Variants in ZNF385B observed in about 807,000 individuals in gnomAD.
The protein encoded by ZNF385B is zinc finger protein 385B.
A neutral mutation model predicts 39.2 loss-of-function variants in ZNF385B; 23 were observed. The ratio of observed to expected loss-of-function variants is 0.59; its 90% confidence interval spans 0.42 to 0.83. The LOEUF is 0.83. ZNF385B is among the 40% of genes least tolerant of loss of function. ZNF385B has a pLI of 0.00. For synonymous variants in ZNF385B, 205 were observed against 222.6 expected (o/e 0.92, Z 0.70); for missense variants, 552 against 598.9 (o/e 0.92, Z 0.82).
intron 3 of ZNF385B, among the ~76,000 whole-genome samples, chr2:179,655,504 A>C (rs1336728412): frequency 7.3e-6 from 1 of 136,308 alleles, no homozygotes; most frequent in Admixed American, 7.4e-5. Context: ...AAAAAAAAAA[A>C]CCCTGAACAC....
Position 179,446,552 on chromosome 2 carries a change from G to A in ZNF385B, c.934C>T (p.Leu312=). Reference sequence around the variant, plus strand: ...GTGTTGTGTGCCTCTAGCTGTGACAGGGAGTTCACAGCCACTTTGCATAGT... The same window carrying A: ...GTGTTGTGTGCCTCTAGCTGTGACAAGGAGTTCACAGCCACTTTGCATAGT... The part of the protein sequence containing the change: ...CSLCKVAVNS[L]SQLEAHNTGS... Residue 312 remains leucine, a synonymous_variant, in exon 7 of 10, where the codon CTG becomes TTG. Transcript: ENST00000410066. 3.1e-6 allele frequency: 5 copies of A among 1,613,936 alleles called. No homozygotes were observed. The highest frequency in any genetic ancestry group is 3.4e-6 in the Non-Finnish European group (4 of 1,179,930).
intron 1 of ZNF385B, among the ~76,000 whole-genome samples, chr2:179,785,906 G>T (rs1413742967): frequency 6.6e-6 from 1 of 152,198 alleles, no homozygotes; most frequent in Admixed American, 6.6e-5. Flanking sequence ...AAGTTCTAAT[G>T]TGGATAAATT....
chr2:179,565,604 C>G (rs868273), intron 3 of ZNF385B, among the ~76,000 whole-genome samples: 58,935 of 152,086 alleles, frequency 0.39, 12,001 homozygotes, highest in Middle Eastern at 0.44. Context: ...CCTTACACTT[C>G]GTAGTTGCTC....
chr2:179,752,850 T>C (rs1702765714), intron 3 of ZNF385B, among the ~76,000 whole-genome samples: 1 of 151,992 alleles, frequency 6.6e-6, no homozygotes, highest in African/African-American at 2.4e-5. Flanking sequence ...GTCAGATGAG[T>C]AGATTGCAAA....
intron 3 of ZNF385B, among the ~76,000 whole-genome samples, chr2:179,601,511 T>C (rs1025386587): frequency 1.1e-4 from 17 of 152,180 alleles, no homozygotes; most frequent in Non-Finnish European, 1.9e-4. Context: ...TTTGCAGTTT[T>C]ATGTTGCTAG....
At chr2:179,796,969 G>A (rs188981648) in intron 1 of ZNF385B, among the ~76,000 whole-genome samples, 7 of 152,150 alleles carry the variant, frequency 4.6e-5, no homozygotes, top group East Asian at 1.9e-4. Flanking sequence ...GATAATACAT[G>A]TAAAGTGACT....
intron 3 of ZNF385B, among the ~76,000 whole-genome samples, chr2:179,617,495 G>T (rs1689850598): frequency 6.6e-6 from 1 of 152,218 alleles, no homozygotes; most frequent in Middle Eastern, 3.4e-3. Context: ...CTATTTTCTG[G>T]AGTACTTTTA....
intron 5 of ZNF385B, among the ~76,000 whole-genome samples, chr2:179,485,282 C>T (rs1400722390): frequency 6.6e-6 from 1 of 152,146 alleles, no homozygotes; most frequent in Non-Finnish European, 1.5e-5. Context: ...TATCAATCCT[C>T]CTTCTGCCCT....
chr2:179,828,746 C>G (rs1707815002), intron 1 of ZNF385B, among the ~76,000 whole-genome samples: 1 of 152,102 alleles, frequency 6.6e-6, no homozygotes, highest in African/African-American at 2.4e-5. Context: ...TCACTGACAA[C>G]TGTATTTCTG....
At chr2:179,722,420 A>G (rs1700752559) in intron 3 of ZNF385B, among the ~76,000 whole-genome samples, 1 of 152,172 alleles carries the variant, frequency 6.6e-6, no homozygotes. Flanking sequence ...AATGGAATAG[A>G]GTATAAAAAG....
At chr2:179,546,183 A>G (rs1210370809) in intron 3 of ZNF385B, among the ~76,000 whole-genome samples, 1 of 151,956 alleles carries the variant, frequency 6.6e-6, no homozygotes, top group Non-Finnish European at 1.5e-5. Flanking sequence ...CTACAGGTAC[A>G]TGCCACCACA....
intron 4 of ZNF385B, among the ~76,000 whole-genome samples, chr2:179,529,514 A>G (rs949883975): frequency 2.0e-5 from 3 of 152,212 alleles, no homozygotes; most frequent in African/African-American, 7.2e-5. Context: ...CATGCATAAC[A>G]AAAAGTTCAT....
chr2:179,682,942 A>G (rs1413321705), intron 3 of ZNF385B, among the ~76,000 whole-genome samples: 1 of 152,154 alleles, frequency 6.6e-6, no homozygotes, highest in African/African-American at 2.4e-5. Flanking sequence ...GCAAATTCCC[A>G]GCTTCCTTCT....
chr2:179,558,389 A>G (rs2105951637), intron 3 of ZNF385B, among the ~76,000 whole-genome samples: 1 of 152,312 alleles, frequency 6.6e-6, no homozygotes, highest in South Asian at 2.1e-4. Context: ...AGGAGGGAAA[A>G]GAAAAGAATA....
At chr2:179,664,104 T>C (rs1694848851) in intron 3 of ZNF385B, among the ~76,000 whole-genome samples, 1 of 127,564 alleles carries the variant, frequency 7.8e-6, no homozygotes, top group Non-Finnish European at 1.7e-5. Context: ...TGGTTTCTCT[T>C]TGGCTTTTTT....
chr2:179,778,128 C>T (rs1303508649), intron 1 of ZNF385B, among the ~76,000 whole-genome samples: 2 of 152,102 alleles, frequency 1.3e-5, no homozygotes, highest in East Asian at 1.9e-4. Flanking sequence ...AATGTGTATA[C>T]GGTATACCTC....
chr2:179,446,185 C>T (rs2049453677), intron 7 of ZNF385B, among the ~76,000 whole-genome samples: 2 of 152,192 alleles, frequency 1.3e-5, no homozygotes, highest in African/African-American at 2.4e-5. Context: ...TACTGGTGGG[C>T]TTTAGGTTGT....
At chr2:179,544,666 C>T (rs1012025543) in intron 4 of ZNF385B, among the ~76,000 whole-genome samples, 161 bp downstream of exon 4, 6 of 152,146 alleles carry the variant, frequency 3.9e-5, no homozygotes, top group Non-Finnish European at 8.8e-5. Flanking sequence ...TGGGCTACTC[C>T]CATGGGTGAA....
intron 3 of ZNF385B, among the ~76,000 whole-genome samples, chr2:179,719,068 C>T (rs1444735024): frequency 1.3e-5 from 2 of 151,944 alleles, no homozygotes; most frequent in African/African-American, 4.8e-5. Context: ...CTGCATGTCT[C>T]GCCCTCCTAA....
Sources: allele counts gnomAD v4.1 joint callset (sites outside exome capture counted in the v4.1 genomes callset), GRCh38; gene constraint gnomAD v4.1.1; transcripts MANE v1.5; gene names NCBI Gene and HGNC (gene_info 2026-07-23, HGNC 2026-07-21).